Variants in OSBPL10 observed in about 807,000 individuals in gnomAD.
OSBPL10 encodes the protein oxysterol binding protein like 10, also known as oxysterol-binding protein-related protein 10.
In OSBPL10, 49 loss-of-function variants were observed where a neutral mutation model predicts 81.7. That is an observed-to-expected ratio of 0.60 (90% confidence interval 0.48 to 0.76). The LOEUF (loss-of-function observed/expected upper bound fraction) is 0.76. Among genes scored for constraint, OSBPL10 ranks in the 30% least tolerant of loss-of-function variants. The probability of loss-of-function intolerance (pLI) is 0.00; values close to 1 mark genes in which losing one functional copy is unlikely to be tolerated. For missense variants in OSBPL10, 923 were observed against 987.8 expected (o/e 0.93, Z 0.88); for synonymous variants, 419 against 383.6 (o/e 1.09, Z -1.08).
At chr3:32,012,247 G>C (rs1699267355) in intron 2 of OSBPL10, among the ~76,000 whole-genome samples, 1 of 152,180 alleles carries the variant, frequency 6.6e-6, no homozygotes, top group Non-Finnish European at 1.5e-5. Flanking sequence ...TGATCTCTCG[G>C]CAGAAACTCT....
chr3:31,672,369 G>T (rs1396263374), intron 8 of OSBPL10, among the ~76,000 whole-genome samples: 1 of 117,962 alleles, frequency 8.5e-6, no homozygotes, highest in South Asian at 4.1e-4. Context: ...GGCGGGGGGG[G>T]GGGCAGGAGG....
chr3:31,976,677 G>A (rs1422254172), intron 1 of OSBPL10, among the ~76,000 whole-genome samples: 1 of 152,058 alleles, frequency 6.6e-6, no homozygotes, highest in Non-Finnish European at 1.5e-5. Context: ...CGCTGGTCTG[G>A]AACTCCTGGG....
chr3:31,735,104 T>A (rs986293707), intron 5 of OSBPL10, among the ~76,000 whole-genome samples: 23 of 151,286 alleles, frequency 1.5e-4, no homozygotes, highest in African/African-American at 5.7e-4. Context: ...AATCCTTTTT[T>A]AATGTCAAGT....
chr3:31,858,646 A>T (rs1700985680), intron 3 of OSBPL10, among the ~76,000 whole-genome samples: 2 of 152,216 alleles, frequency 1.3e-5, no homozygotes, highest in South Asian at 2.1e-4. Flanking sequence ...CTAGTTCTGA[A>T]CCGGGTACTG....
chr3:32,054,525 G>A lies in OSBPL10; in HGVS notation n.186-7922C>T, dbSNP rs1214180779. On this transcript the variant is annotated intron_variant and non_coding_transcript_variant, in intron 1 of 3. Coordinates refer to the OSBPL10 transcript ENST00000479173. ...AACCAACATTTCCTGGTCAATGGTGGCTTTTTTTTTTTTTTTTTTTTTTTG... is the reference window on the plus strand; with the variant it reads ...AACCAACATTTCCTGGTCAATGGTGACTTTTTTTTTTTTTTTTTTTTTTTG... 9.9e-5 allele frequency among the ~76,000 whole-genome samples: 5 copies of A among 50,282 alleles called. No homozygotes were observed. In the Admixed American group the frequency reaches 1.3e-3, roughly 13 times the overall value. The allele number at this position is 50,282 out of a possible 152,430, so 33.0% of individuals were successfully genotyped here.
intron 2 of OSBPL10, among the ~76,000 whole-genome samples, chr3:32,013,800 G>A (rs916439842): frequency 1.3e-5 from 2 of 152,166 alleles, no homozygotes; most frequent in African/African-American, 4.8e-5. Flanking sequence ...ACTACCATCA[G>A]AGAATACTAT....
intron 7 of OSBPL10, among the ~76,000 whole-genome samples, chr3:31,697,286 G>C (rs558874445): frequency 3.3e-5 from 5 of 152,254 alleles, no homozygotes; most frequent in South Asian, 4.1e-4. Flanking sequence ...GAAGAGCCCA[G>C]CTGTTCCAGC....
Position 32,075,195 on chromosome 3 carries a change from G to A in OSBPL10, n.185+2201C>T, listed in dbSNP as rs145142991. Among the ~76,000 whole-genome samples, 211 of 152,268 alleles carry A rather than the reference G, an allele frequency of 1.4e-3. 1 individual carries two copies. The highest frequency in any genetic ancestry group is 4.9e-3 in the African/African-American group (204 of 41,556). On this transcript the variant is annotated intron_variant and non_coding_transcript_variant, in intron 1 of 3. Coordinates refer to the OSBPL10 transcript ENST00000479173. The stretch of plus-strand genomic sequence containing the variant: ...AACTTTATCTGTTCCTCAAGCCCAG[G>A]TTGACCCTTTAGCTGCAGTTGTCCT...
chr3:31,895,152 T>TTTTTTTTTTTTG, intron 1 of OSBPL10, among the ~76,000 whole-genome samples: 2 of 145,798 alleles, frequency 1.4e-5, no homozygotes, highest in Non-Finnish European at 3.0e-5. Context: ...TTTTTTTTTT[T>TTTTTTTTTTTTG]AGACGGAGTC....
chr3:31,818,878 C>G (rs536382321), intron 4 of OSBPL10, among the ~76,000 whole-genome samples: 2 of 152,298 alleles, frequency 1.3e-5, no homozygotes, highest in East Asian at 1.9e-4. Flanking sequence ...TGGCCTCCCC[C>G]CACTCCACCA....
chr3:31,686,482 A>T (rs1344823406), intron 7 of OSBPL10, among the ~76,000 whole-genome samples: 1 of 152,228 alleles, frequency 6.6e-6, no homozygotes, highest in Non-Finnish European at 1.5e-5. Context: ...AAAATTGAAC[A>T]TGTAATACAA....
chr3:31,826,201 T>A (rs75397566), intron 4 of OSBPL10, among the ~76,000 whole-genome samples: 3,315 of 152,292 alleles, frequency 0.022, 106 homozygotes, highest in African/African-American at 0.074. Context: ...TTACTATACA[T>A]CACCAGATTG....
intron 4 of OSBPL10, among the ~76,000 whole-genome samples, chr3:31,809,568 G>T (rs9826104): frequency 1.3e-5 from 2 of 152,178 alleles, no homozygotes; most frequent in African/African-American, 4.8e-5. Context: ...GGTTTTAAAA[G>T]CTAGACATGC....
chr3:31,920,066 T>A (rs1696867207), intron 1 of OSBPL10, among the ~76,000 whole-genome samples: 1 of 152,138 alleles, frequency 6.6e-6, no homozygotes, highest in Non-Finnish European at 1.5e-5. Flanking sequence ...CTCAAGAGAT[T>A]CAAGTGTAAA....
chr3:31,905,678 A>C (rs1337360769), intron 1 of OSBPL10, among the ~76,000 whole-genome samples: 1 of 152,026 alleles, frequency 6.6e-6, no homozygotes, highest in African/African-American at 2.4e-5. Context: ...ATCACAATAG[A>C]CAAGATTAAG....
intron 1 of OSBPL10, among the ~76,000 whole-genome samples, chr3:31,962,906 A>G (rs1301714588): frequency 6.6e-6 from 1 of 152,228 alleles, no homozygotes; most frequent in Non-Finnish European, 1.5e-5. Context: ...CTAATGCCTG[A>G]TCTCCTGGAT....
chr3:31,964,338 G>A (rs1165509639), intron 1 of OSBPL10, among the ~76,000 whole-genome samples: 8 of 152,100 alleles, frequency 5.3e-5, no homozygotes, highest in African/African-American at 1.7e-4. Flanking sequence ...TGTACTTATG[G>A]TACAGACAGG....
chr3:31,883,936 T>A (rs529824289), intron 1 of OSBPL10, among the ~76,000 whole-genome samples: 1 of 152,362 alleles, frequency 6.6e-6, no homozygotes, highest in East Asian at 1.9e-4. Flanking sequence ...TTGACTGGAA[T>A]GAAGCAAAGG....
At chr3:31,796,335 T>TA (rs1241372077) in intron 4 of OSBPL10, among the ~76,000 whole-genome samples, 1 of 152,180 alleles carries the variant, frequency 6.6e-6, no homozygotes, top group Non-Finnish European at 1.5e-5. Context: ...AGAAAATCCC[T>TA]ATTAGTGAAA....
Sources: gnomAD v4.1 joint callset for allele counts (sites outside exome capture counted in the v4.1 genomes callset) on GRCh38, gnomAD v4.1.1 for gene constraint, MANE v1.5 for transcripts, NCBI Gene and HGNC (gene_info 2026-07-23, HGNC 2026-07-21) for gene names.